The following PFKL variants were observed in gnomAD, a reference collection of about 807,000 sequenced individuals.
PFKL encodes the protein phosphofructokinase, liver type, also known as ATP-dependent 6-phosphofructokinase, liver type.
A neutral mutation model predicts 92.1 loss-of-function variants in PFKL; 74 were observed. The observed-to-expected ratio is 0.80, with a 90% confidence interval of 0.67 to 0.97. PFKL has a LOEUF of 0.97. Ranked by LOEUF, PFKL falls within the 50% of genes least tolerant of loss-of-function variation. The pLI is 0.00. For synonymous variants in PFKL, 494 were observed against 456.4 expected, an observed-to-expected ratio of 1.08 and a Z score of -1.05; for missense variants, 1,028 against 1,116.6, an observed-to-expected ratio of 0.92 and a Z score of 1.13.
intron 2 of PFKL, among the ~76,000 whole-genome samples, chr21:44,308,550 G>C (rs937609813): frequency 6.7e-6 from 1 of 149,002 alleles, no homozygotes; most frequent in Non-Finnish European, 1.5e-5. Context: ...TGATTCTAGG[G>C]GGGTAGGAAT....
At chr21:44,318,268 G>A (rs1311507310) in intron 9 of PFKL, among the ~76,000 whole-genome samples, 1 of 152,252 alleles carries the variant, frequency 6.6e-6, no homozygotes, top group East Asian at 1.9e-4. Context: ...CAGCAGGGCA[G>A]CGAGGACTCT....
chr21:44,311,409 T>C (rs904214002), intron 3 of PFKL, among the ~76,000 whole-genome samples: 7 of 151,102 alleles, frequency 4.6e-5, no homozygotes, highest in African/African-American at 1.7e-4. Context: ...CACACAGACA[T>C]GGAGACAGAT....
At chr21:44,321,556 A>G in intron 12 of PFKL, 173 bp from the exon 13 acceptor site, 1 of 563,260 alleles carries the variant, frequency 1.8e-6, no homozygotes, top group Non-Finnish European at 2.9e-6. Context: ...ATCTTCTGGA[A>G]TTAGAACAGA....
In PFKL at chr21:44,313,022, A is replaced by G. The variant is rs150801043; in HGVS notation, c.472A>G (p.Ile158Val). 8.8e-4 allele frequency: 1,424 copies of G among 1,613,096 alleles called. No individual in the cohort carries two copies. Among genetic ancestry groups the G allele is most frequent in the Non-Finnish European group, 1.1e-3 (1,311 of 1,179,906 alleles). Residue 158 changes from isoleucine to valine, a missense_variant, in exon 5 of 22, where the codon ATC (isoleucine) becomes GTC (valine). By Grantham distance (29) the Ile-to-Val change is conservative. Coordinates refer to ENST00000349048, the MANE Select transcript of PFKL (RefSeq NM_002626.6). ...AGCCCGGACCTACTCGCACCTGAACATCGCGGGCCTAGTGGGCTCCATCGA... is the reference window on the plus strand; with the variant it reads ...AGCCCGGACCTACTCGCACCTGAACGTCGCGGGCCTAGTGGGCTCCATCGA... ...TTARTYSHLN[I>V]AGLVGSIDND...
rs373338252 is a variant in PFKL at position 44,321,799 on chromosome 21, C to T, written c.1262C>T (p.Ala421Val). The change falls in exon 13 of 22, where the codon GCG becomes GTG. Residue 421 changes from alanine (A) to valine (V), a missense_variant. Transcript: ENST00000349048. Reference protein sequence around the residue: ...AAGMNAAVRSAVRTGISHGHT... With the variant: ...AAGMNAAVRSVVRTGISHGHT... ...GGCATGAATGCGGCCGTGCGCTCGGCGGTGCGGACCGGCATCTCCCATGGA... is the reference window on the plus strand; with the variant it reads ...GGCATGAATGCGGCCGTGCGCTCGGTGGTGCGGACCGGCATCTCCCATGGA... 1.0e-5 allele frequency: 16 copies of T among 1,601,302 alleles called. No individual in the cohort carries two copies. The highest frequency in any genetic ancestry group is 1.7e-5 in the Admixed American group (1 of 57,734).
chr21:44,302,228 G>GCC (rs2040796869), intron 1 of PFKL, among the ~76,000 whole-genome samples: 1 of 152,240 alleles, frequency 6.6e-6, no homozygotes, highest in Admixed American at 6.5e-5. Context: ...CTCTGCAAAT[G>GCC]TCCTCCCTTC....
intron 17 of PFKL, 54 bp from the exon 18 acceptor site, chr21:44,324,802 C>CACACTG: frequency 6.3e-7 from 1 of 1,591,022 alleles, no homozygotes; most frequent in Non-Finnish European, 8.6e-7. Context: ...GCCGGTCAGC[C>CACACTG]TGGAATTCCC....
intron 7 of PFKL, chr21:44,315,867 C>T (rs1262318698): frequency 7.0e-6 from 2 of 287,400 alleles, no homozygotes; most frequent in African/African-American, 4.4e-5. Context: ...GCAGGCCCCT[C>T]TGCCCTGTGC....
rs112565896 is a variant in PFKL at position 44,320,483 on chromosome 21, T to C, written c.1191+336T>C. The C allele has an allele frequency of 8.6e-3, 1,670 of 193,736 alleles. 27 individuals are homozygous for C. The highest frequency in any genetic ancestry group is 0.036 in the African/African-American group (1,520 of 42,812). The allele number at this position is 193,736 out of a possible 1,614,324, so 12.0% of individuals were successfully genotyped here. On this transcript the variant is annotated intron_variant, in intron 12 of 21. Coordinates refer to ENST00000349048, the MANE Select transcript of PFKL (RefSeq NM_002626.6). ...GCTCACACCTGTAATCCCAGCACTT[T>C]GGAAGGCTGAGGTGGCCAGTTCACC...
At chr21:44,300,298 C>T (rs1006138330) in intron 1 of PFKL, 108 bp downstream of exon 1, 4 of 366,414 alleles carry the variant, frequency 1.1e-5, no homozygotes, top group African/African-American at 7.7e-5. Context: ...CGGGCCGGCC[C>T]GGCCTCCCGC....
Position 44,326,918 on chromosome 21 carries a change from G to A in PFKL, c.*56G>A. The A allele has an allele frequency of 2.7e-6, 4 of 1,488,196 alleles. No homozygotes were observed. Among genetic ancestry groups the A allele is most frequent in the Non-Finnish European group, 2.8e-6 (3 of 1,087,368 alleles). 92.2% of individuals were successfully genotyped at this position (1,488,196 alleles called of 1,614,324 possible). A position where few individuals can be genotyped will look rare whatever the true frequency, so the allele number is the denominator to read the frequency against. ...CCCACCCATGCCAGCGCAGCGCCAG[G>A]GCTCAGATGGGGCCTGGGCTGTTGT... is the stretch of plus-strand genomic sequence containing the variant. On this transcript the variant is annotated 3_prime_UTR_variant, in exon 22 of 22. Transcript: ENST00000349048.
In PFKL at chr21:44,321,286, G is replaced by A. The variant is rs112404996; in HGVS notation, c.1192-443G>A. 1,204 of 156,428 alleles carry A rather than the reference G, an allele frequency of 7.7e-3. 18 individuals carry two copies. Among genetic ancestry groups the A allele is most frequent in the African/African-American group, 0.027 (1,131 of 41,722 alleles). 9.7% of individuals were successfully genotyped at this position (156,428 alleles called of 1,614,324 possible). On this transcript the variant is annotated intron_variant, in intron 12 of 21. Transcript: ENST00000349048. ...TTGGGTCCATCAGGTTAAATTAACTGTAGTCCTGATGGGACTGTCTCCATG... is the reference window on the plus strand; with the variant it reads ...TTGGGTCCATCAGGTTAAATTAACTATAGTCCTGATGGGACTGTCTCCATG...
chr21:44,304,171 C>T lies in PFKL; in HGVS notation c.86-2510C>T, dbSNP rs188742955. The T allele has an allele frequency of 6.0e-3, 7,664 of 1,275,442 alleles. 40 individuals carry two copies. The highest frequency in any genetic ancestry group is 7.0e-3 in the Non-Finnish European group (6,864 of 981,652). 79.0% of individuals were successfully genotyped at this position (1,275,442 alleles called of 1,614,324 possible). ...TGGGTTTTGGCAGCTTCATTGTCTCCGGGCGTCAAAGCAGGTTTTATTTTG... is the reference window on the plus strand; with the variant it reads ...TGGGTTTTGGCAGCTTCATTGTCTCTGGGCGTCAAAGCAGGTTTTATTTTG... On this transcript the variant is annotated intron_variant, in intron 1 of 21. Transcript: ENST00000349048.
intron 7 of PFKL, chr21:44,315,510 A>C (rs2047178517): frequency 6.6e-6 from 1 of 152,654 alleles, no homozygotes; most frequent in Non-Finnish European, 1.5e-5. Context: ...GAGCTGCTCC[A>C]ACCCTGTCCC....
rs775703757 is a variant in PFKL at position 44,306,694 on chromosome 21, T to C, written c.99T>C (p.Ala33=). The C allele has an allele frequency of 6.2e-7, 1 of 1,613,688 alleles. No individual in the cohort carries two copies. The highest frequency in any genetic ancestry group is 2.2e-5 in the East Asian group (1 of 44,888). The change falls in exon 2 of 22, where the codon GCT becomes GCC. Residue 33 remains alanine (A), a synonymous_variant. Transcript: ENST00000349048. The part of the protein sequence containing the change: ...SGGDAQGMNA[A]VRAVTRMGIY... ...TGACCTCCACAGGCATGAACGCTGC[T>C]GTCCGGGCTGTGACGCGCATGGGCA... is the stretch of plus-strand genomic sequence containing the variant.
rs763633414 is a variant in PFKL at position 44,316,419 on chromosome 21, C to T, written c.844-13C>T. On this transcript the variant is annotated splice_polypyrimidine_tract_variant and intron_variant, in intron 8 of 21. Coordinates refer to ENST00000349048, the MANE Select transcript of PFKL (RefSeq NM_002626.6). Reference sequence around the variant, plus strand: ...GCTGGGGCTCAGGGCTGGTCCTTCCCACTGTCCTGCAGCTGGTGGTTCAGA... The same window carrying T: ...GCTGGGGCTCAGGGCTGGTCCTTCCTACTGTCCTGCAGCTGGTGGTTCAGA... 13 of 1,612,552 alleles carry T rather than the reference C, an allele frequency of 8.1e-6. No individual in the cohort carries two copies. The highest frequency in any genetic ancestry group is 1.7e-5 in the Admixed American group (1 of 60,008).
At chr21:44,322,279 A>C in intron 14 of PFKL, 76 bp downstream of exon 14, 2 of 1,408,626 alleles carry the variant, frequency 1.4e-6, no homozygotes, top group Non-Finnish European at 1.9e-6. Flanking sequence ...TGGGGGCGGC[A>C]AGGGGAACCC....
At chr21:44,324,966 G>A (rs1297535641) in intron 18 of PFKL, 49 bp downstream of exon 18, 1 of 1,525,014 alleles carries the variant, frequency 6.6e-7, no homozygotes, top group Middle Eastern at 1.7e-4. Context: ...CAACTCTCGG[G>A]GCTGGGGTGG....
intron 8 of PFKL, 27 bp downstream of exon 8, chr21:44,316,366 T>C (rs779994964): frequency 5.6e-6 from 9 of 1,611,690 alleles, no homozygotes; most frequent in Middle Eastern, 1.6e-4. Context: ...GGGTGGCCAC[T>C]GGGCACCTGC....
Sources: allele counts gnomAD v4.1 joint callset (sites outside exome capture counted in the v4.1 genomes callset), GRCh38; gene constraint gnomAD v4.1.1; transcripts MANE v1.5; gene names NCBI Gene and HGNC (gene_info 2026-07-23, HGNC 2026-07-21).